The following RASEF variants were observed in gnomAD, a reference collection of about 807,000 sequenced individuals.
RASEF encodes ras and EF-hand domain-containing protein.
In RASEF, 68 loss-of-function variants were observed where a neutral mutation model predicts 90.1. The observed-to-expected ratio is 0.75, with a 90% CI of 0.62 to 0.92. The LOEUF is 0.92. Ranked by LOEUF, RASEF falls within the 40% of genes least tolerant of loss-of-function variation. The pLI is 0.00. For missense variants in RASEF, 949 were observed against 937.2 expected, an observed-to-expected ratio of 1.01 and a Z score of -0.16; for synonymous variants, 331 against 345.2, an observed-to-expected ratio of 0.96 and a Z score of 0.46.
At chr9:83,196,335 G>C in the RASEF span, among the ~76,000 whole-genome samples, 1 of 152,072 alleles carries the variant, frequency 6.6e-6, no homozygotes, top group South Asian at 2.1e-4. Context: ...CCTGGGATGG[G>C]GGAGCTGTGG....
the RASEF span, among the ~76,000 whole-genome samples, chr9:83,124,239 A>G: frequency 6.6e-6 from 1 of 152,190 alleles, no homozygotes; most frequent in Admixed American, 6.5e-5. Context: ...GCTATTGTGA[A>G]TAATGCTGCT....
chr9:83,056,638 G>A (rs1830108132), intron 1 of RASEF, among the ~76,000 whole-genome samples: 2 of 152,176 alleles, frequency 1.3e-5, no homozygotes, highest in African/African-American at 4.8e-5. Flanking sequence ...ATTTGTACAC[G>A]CTTAAAGAGA....
chr9:83,168,786 G>T, the RASEF span, among the ~76,000 whole-genome samples: 1 of 152,026 alleles, frequency 6.6e-6, no homozygotes, highest in Non-Finnish European at 1.5e-5. Context: ...CAGTTAAAAT[G>T]GCTATTATTA....
chr9:83,217,197 A>ACCC, the RASEF span, among the ~76,000 whole-genome samples: 10 of 151,778 alleles, frequency 6.6e-5, no homozygotes, highest in Admixed American at 5.9e-4. Flanking sequence ...CGATGCTTTT[A>ACCC]CCCCCCATTG....
the RASEF span, among the ~76,000 whole-genome samples, chr9:83,189,126 T>G: frequency 2.6e-5 from 4 of 152,138 alleles, no homozygotes; most frequent in African/African-American, 9.7e-5. Flanking sequence ...AATCCCCACA[T>G]GTCGTGGGAG....
intron 1 of RASEF, among the ~76,000 whole-genome samples, chr9:83,032,391 A>T (rs1393562): frequency 0.49 from 73,952 of 151,958 alleles, 18,235 homozygotes; most frequent in East Asian, 0.73. Context: ...ACTCTCAAAT[A>T]CCATGCAGAT....
At chr9:83,147,304 T>A in the RASEF span, among the ~76,000 whole-genome samples, 1 of 152,134 alleles carries the variant, frequency 6.6e-6, no homozygotes, top group African/African-American at 2.4e-5. Flanking sequence ...CAACTCTTGG[T>A]AAATTTCCAA....
intron 6 of RASEF, among the ~76,000 whole-genome samples, chr9:83,008,488 C>A (rs1054780960): frequency 6.6e-6 from 1 of 152,100 alleles, no homozygotes; most frequent in Admixed American, 6.5e-5. Context: ...CCTGGAACAT[C>A]TCTGAGACTC....
At chr9:83,024,943 T>C (rs7866666) in intron 2 of RASEF, among the ~76,000 whole-genome samples, 81,933 of 151,814 alleles carry the variant, frequency 0.54, 22,399 homozygotes, top group East Asian at 0.73. Context: ...TTGGGAGCTC[T>C]TGGTGGAGCA....
the RASEF span, among the ~76,000 whole-genome samples, chr9:83,170,760 C>T: frequency 7.2e-5 from 11 of 151,816 alleles, no homozygotes; most frequent in African/African-American, 1.4e-4. Flanking sequence ...GATATCTGTA[C>T]GTTAATTTTG....
intron 7 of RASEF, among the ~76,000 whole-genome samples, chr9:83,006,063 G>A (rs1210240429): frequency 2.0e-5 from 3 of 152,120 alleles, no homozygotes; most frequent in Admixed American, 1.3e-4. Context: ...GAGCTTCAGC[G>A]CCCTCTTGTA....
chr9:83,193,455 T>C, the RASEF span, among the ~76,000 whole-genome samples: 2 of 152,192 alleles, frequency 1.3e-5, no homozygotes, highest in Admixed American at 6.5e-5. Flanking sequence ...AAAATTAGAA[T>C]GCCAGTAACT....
At chr9:83,211,975 G>C in the RASEF span, among the ~76,000 whole-genome samples, 2 of 152,004 alleles carry the variant, frequency 1.3e-5, no homozygotes, top group African/African-American at 4.8e-5. Flanking sequence ...GTATACTTAG[G>C]ACCTCAGAAA....
At chr9:83,007,619 C>T in intron 6 of RASEF, 114 bp from the exon 7 acceptor site, 1 of 775,510 alleles carries the variant, frequency 1.3e-6, no homozygotes, top group Middle Eastern at 2.3e-4. Flanking sequence ...TCCTTGGCCA[C>T]AGTTTTCTAT....
chr9:83,172,129 G>C, the RASEF span, among the ~76,000 whole-genome samples: 1 of 151,584 alleles, frequency 6.6e-6, no homozygotes, highest in Non-Finnish European at 1.5e-5. Flanking sequence ...CTTGTTTTAA[G>C]ATATTTTTAT....
At chr9:83,045,809 A>G (rs1368694848) in intron 1 of RASEF, among the ~76,000 whole-genome samples, 2 of 152,198 alleles carry the variant, frequency 1.3e-5, no homozygotes, top group East Asian at 3.8e-4. Flanking sequence ...CCCCCAAGTA[A>G]CAGCCACTGA....
rs57166033 is a variant in RASEF, at chr9:83,011,422, C to T, written c.843+1012G>A. On this transcript the variant is annotated intron_variant, in intron 5 of 16. Coordinates refer to ENST00000376447, the MANE Select transcript of RASEF (RefSeq NM_152573.4). The stretch of plus-strand genomic sequence containing the variant: ...AAAAATTTAGCGGGGCGTGGTGGTG[C>T]GCATCTATAGTTCCAGCTACTTGGG... Among the ~76,000 whole-genome samples the T allele has an allele frequency of 1.1e-4, 16 of 151,484 alleles. No homozygotes were observed. In the East Asian group the frequency reaches 2.1e-3, roughly 20 times the overall value.
chr9:83,064,770 CAAG>C (rs1397351718), upstream of RASEF, among the ~76,000 whole-genome samples: 1 of 152,078 alleles, frequency 6.6e-6, no homozygotes, highest in Non-Finnish European at 1.5e-5. Context: ...GAAGAGTCAT[CAAG>C]AAACACGAAT....
the RASEF span, among the ~76,000 whole-genome samples, chr9:83,094,904 A>G: frequency 6.6e-6 from 1 of 152,190 alleles, no homozygotes; most frequent in Non-Finnish European, 1.5e-5. Context: ...TCTTGTTTCT[A>G]CTTTACTCAA....
Sources: allele counts gnomAD v4.1 joint callset (sites outside exome capture counted in the v4.1 genomes callset), GRCh38; gene constraint gnomAD v4.1.1; transcripts MANE v1.5; gene names NCBI Gene and HGNC (gene_info 2026-07-23, HGNC 2026-07-21).